Variants in RNF169 observed in about 807,000 individuals in gnomAD.
The protein encoded by RNF169 is ring finger protein 169.
A neutral mutation model predicts 53.9 loss-of-function variants in RNF169; 24 were observed. The observed-to-expected ratio is 0.45, with a 90% CI of 0.32 to 0.63. The LOEUF is 0.63. Ranked by LOEUF, RNF169 falls within the 20% of genes least tolerant of loss-of-function variation. RNF169 has a pLI of 0.04. For missense variants in RNF169, 883 were observed against 906.2 expected (o/e 0.97, Z 0.33); for synonymous variants, 396 against 363.5 (o/e 1.09, Z -1.02).
At chr11:74,754,755 G>T (rs1224267836) in intron 1 of RNF169, among the ~76,000 whole-genome samples, 1 of 152,198 alleles carries the variant, frequency 6.6e-6, no homozygotes, top group African/African-American at 2.4e-5. Flanking sequence ...GGGAGGTAGA[G>T]GTTGCAGTGA....
intron 2 of RNF169, chr11:74,807,824 G>A (rs1220836662): frequency 2.0e-5 from 3 of 152,088 alleles, no homozygotes; most frequent in African/African-American, 7.2e-5. Flanking sequence ...CTCTTCTAGA[G>A]ACCAAGTTCT....
intron 1 of RNF169, among the ~76,000 whole-genome samples, chr11:74,769,524 CAAT>C (rs895597000): frequency 1.3e-5 from 2 of 151,846 alleles, no homozygotes; most frequent in Non-Finnish European, 2.9e-5. Context: ...TGCACACACA[CAAT>C]GATGCTCACA....
intron 1 of RNF169, among the ~76,000 whole-genome samples, chr11:74,777,566 T>C (rs1486722668): frequency 6.6e-6 from 1 of 152,182 alleles, no homozygotes; most frequent in Non-Finnish European, 1.5e-5. Flanking sequence ...GTTGGGGCCA[T>C]TTCTGGATTC....
intron 1 of RNF169, among the ~76,000 whole-genome samples, chr11:74,785,931 GTTTTC>G (rs2035493794): frequency 7.0e-6 from 1 of 142,424 alleles, no homozygotes; most frequent in South Asian, 2.2e-4. Flanking sequence ...CATTATCTTT[GTTTTC>G]TTTTCTTTTT....
At chr11:74,816,519 T>C (rs59708371) in intron 3 of RNF169, among the ~76,000 whole-genome samples, 3,457 of 152,240 alleles carry the variant, frequency 0.023, 148 homozygotes, top group African/African-American at 0.079. Context: ...AAAAAGGGAC[T>C]CCAAAGTAAA....
chr11:74,810,388 T>C, intron 3 of RNF169, 58 bp downstream of exon 3: 1 of 1,537,772 alleles, frequency 6.5e-7, no homozygotes, highest in East Asian at 2.2e-5. Context: ...TTAGCCCAGG[T>C]GACCTGGACC....
chr11:74,769,944 C>T (rs1046830827), intron 1 of RNF169, among the ~76,000 whole-genome samples: 10 of 152,146 alleles, frequency 6.6e-5, no homozygotes, highest in African/African-American at 2.4e-4. Context: ...CATGTGCCAC[C>T]GTGCCCAACT....
intron 4 of RNF169, among the ~76,000 whole-genome samples, chr11:74,824,317 C>T (rs2036061389): frequency 6.6e-6 from 1 of 151,972 alleles, no homozygotes; most frequent in Admixed American, 6.6e-5. Context: ...TGAGATTATC[C>T]AATCTGAGAA....
chr11:74,748,922 G>GGCA lies in RNF169; in HGVS notation c.48_50dup (p.Ala18dup). The GGCA allele has an allele frequency of 1.4e-6, 2 of 1,448,436 alleles. No individual in the cohort carries two copies. The allele number at this position is 1,448,436 out of a possible 1,614,324, so 89.7% of individuals were successfully genotyped here. ...CGAGTACTCGGGCCTCTTCCGCGGCGGCAGCAGCCGCTCTGAGTCGGCGGG... is the reference window on the plus strand; with the variant it reads ...CGAGTACTCGGGCCTCTTCCGCGGCGGCAGCAGCAGCCGCTCTGAGTCGGCGGG... On this transcript the variant is annotated inframe_insertion, in exon 1 of 6. Transcript: ENST00000299563.
intron 2 of RNF169, among the ~76,000 whole-genome samples, chr11:74,806,322 T>C (rs2035805150): frequency 6.6e-6 from 1 of 152,160 alleles, no homozygotes; most frequent in Non-Finnish European, 1.5e-5. Context: ...ATGGCTAAAA[T>C]TGACAAATAG....
rs1033180034 is a variant in RNF169, at chr11:74,838,723, T to C, written c.*1993T>C. ...TGGGCCCTACCAACAATTTATGTCCTCCAAGAGCTGCTGGAGGGCATGTTT... is the reference window on the plus strand; with the variant it reads ...TGGGCCCTACCAACAATTTATGTCCCCCAAGAGCTGCTGGAGGGCATGTTT... On this transcript the variant is annotated 3_prime_UTR_variant, in exon 6 of 6. Coordinates refer to ENST00000299563, the MANE Select transcript of RNF169 (RefSeq NM_001098638.2). 6.6e-6 allele frequency: 1 copy of C among 152,226 alleles called. No homozygotes were observed. The highest frequency in any genetic ancestry group is 1.5e-5 in the Non-Finnish European group (1 of 68,038). 9.4% of individuals were successfully genotyped at this position (152,226 alleles called of 1,614,324 possible). A position where few individuals can be genotyped will look rare whatever the true frequency, so the allele number is the denominator to read the frequency against.
intron 1 of RNF169, among the ~76,000 whole-genome samples, chr11:74,755,656 C>T (rs2034970896): frequency 6.6e-6 from 1 of 152,190 alleles, no homozygotes. Context: ...TGACAATTTG[C>T]AGGAAGCCTG....
At chr11:74,783,163 G>A (rs1313313662) in intron 1 of RNF169, among the ~76,000 whole-genome samples, 1 of 151,858 alleles carries the variant, frequency 6.6e-6, no homozygotes, top group Non-Finnish European at 1.5e-5. Context: ...TTTGCATTGA[G>A]TGTGGATGCT....
intron 3 of RNF169, among the ~76,000 whole-genome samples, chr11:74,814,873 A>G (rs1056084464): frequency 6.6e-6 from 1 of 152,176 alleles, no homozygotes; most frequent in East Asian, 1.9e-4. Context: ...CTAGAAGTAG[A>G]GTGACCAGGT....
At chr11:74,776,413 GA>G (rs2035336045) in intron 1 of RNF169, among the ~76,000 whole-genome samples, 1 of 129,052 alleles carries the variant, frequency 7.7e-6, no homozygotes, top group South Asian at 2.4e-4. Context: ...TAATTATAAA[GA>G]AAAACTTTAC....
intron 2 of RNF169, among the ~76,000 whole-genome samples, chr11:74,805,516 TTATGA>T (rs1168807276): frequency 1.3e-5 from 2 of 152,330 alleles, no homozygotes; most frequent in Non-Finnish European, 2.9e-5. Flanking sequence ...ATATGTAGTC[TTATGA>T]TATAAAAAAT....
chr11:74,810,406 C>T (rs1205907067), intron 3 of RNF169, 76 bp downstream of exon 3: 1 of 1,352,798 alleles, frequency 7.4e-7, no homozygotes, highest in East Asian at 2.3e-5. Context: ...ACCTGAAAGA[C>T]CTATGTTGGT....
intron 2 of RNF169, among the ~76,000 whole-genome samples, chr11:74,800,530 A>T (rs960381385): frequency 6.6e-6 from 1 of 152,194 alleles, no homozygotes; most frequent in Non-Finnish European, 1.5e-5. Context: ...TAAAATAGAC[A>T]TCATAGTACC....
intron 1 of RNF169, among the ~76,000 whole-genome samples, chr11:74,780,249 T>C (rs2035397527): frequency 6.6e-6 from 1 of 152,226 alleles, no homozygotes; most frequent in Admixed American, 6.5e-5. Flanking sequence ...TATGTCCCTT[T>C]CTTGACTCTC....
Sources: gnomAD v4.1 joint callset for allele counts (sites outside exome capture counted in the v4.1 genomes callset) on GRCh38, gnomAD v4.1.1 for gene constraint, MANE v1.5 for transcripts, NCBI Gene and HGNC (gene_info 2026-07-23, HGNC 2026-07-21) for gene names.